The following UGT1A9 variants were observed in gnomAD, a reference collection of about 807,000 sequenced individuals.
UGT1A9 encodes the protein UDP glucuronosyltransferase family 1 member A9.
A neutral mutation model predicts 45.0 loss-of-function variants in UGT1A9; 35 were observed. The observed-to-expected ratio is 0.78, with a 90% confidence interval of 0.59 to 1.03. The LOEUF (loss-of-function observed/expected upper bound fraction) is 1.03, where lower values mean the gene tolerates loss of function less well. Ranked by LOEUF, UGT1A9 falls within the 50% of genes least tolerant of loss-of-function variation. The pLI is 0.00. For missense variants in UGT1A9, 687 were observed against 666.6 expected (o/e 1.03, Z -0.34); for synonymous variants, 278 against 250.6 (o/e 1.11, Z -1.03).
At chr2:233,724,269 C>T (rs1414363673) in intron 1 of UGT1A9, among the ~76,000 whole-genome samples, 11 of 124,848 alleles carry the variant, frequency 8.8e-5, no homozygotes, top group South Asian at 3.1e-4. Context: ...CCGGACGGGG[C>T]GGCTGGCCGG....
At chr2:233,681,060 C>A (rs2074507937) in intron 1 of UGT1A9, among the ~76,000 whole-genome samples, 1 of 151,794 alleles carries the variant, frequency 6.6e-6, no homozygotes, top group Non-Finnish European at 1.5e-5. Context: ...TTGTGGCTCA[C>A]CTGTGTCACA....
chr2:233,718,574 C>T (rs1436667300), intron 1 of UGT1A9, among the ~76,000 whole-genome samples: 1 of 152,174 alleles, frequency 6.6e-6, no homozygotes, highest in Non-Finnish European at 1.5e-5. Context: ...CTTGGATGTT[C>T]CCCAGAGGCA....
chr2:233,718,919 G>A, intron 1 of UGT1A9: 1 of 1,614,102 alleles, frequency 6.2e-7, no homozygotes. Context: ...AGGTGTTGGT[G>A]GTGCCCACTG....
intron 1 of UGT1A9, among the ~76,000 whole-genome samples, chr2:233,704,855 C>A (rs1453613831): frequency 6.6e-6 from 1 of 152,046 alleles, no homozygotes; most frequent in African/African-American, 2.4e-5. Flanking sequence ...AGAATAGGGC[C>A]GGGCACGGTG....
chr2:233,767,978 A>C, intron 3 of UGT1A9, 42 bp downstream of exon 3: 1 of 1,614,204 alleles, frequency 6.2e-7, no homozygotes, highest in Admixed American at 1.7e-5. Context: ...ACCAGGGTCA[A>C]ATTAAGAAAA....
chr2:233,693,483 CTGAG>C lies in UGT1A9; in HGVS notation c.855+20696_855+20699del, dbSNP rs757700333. The C allele has an allele frequency of 1.9e-6, 3 of 1,614,050 alleles. No individual in the cohort carries two copies. In the African/African-American group the frequency reaches 4.0e-5, roughly 22 times the overall value. ...GCCTTACCCTGTGGGGTGATCCTGGCTGAGTATTTGGGCCTACCATCTGTGTACC... is the reference window on the plus strand; with the variant it reads ...GCCTTACCCTGTGGGGTGATCCTGGCTATTTGGGCCTACCATCTGTGTACC... On this transcript the variant is annotated intron_variant, in intron 1 of 4. Transcript: ENST00000354728.
intron 1 of UGT1A9, among the ~76,000 whole-genome samples, chr2:233,759,718 G>C (rs914055324): frequency 2.0e-5 from 3 of 151,782 alleles, no homozygotes; most frequent in African/African-American, 7.3e-5. Context: ...TCGTGTGGTG[G>C]GCTCTGCTGC....
rs1699307451 is a variant in UGT1A9, at chr2:233,767,015, A to G, written c.856-19A>G. The G allele has an allele frequency of 6.2e-7, 1 of 1,613,760 alleles. No homozygotes were observed. Among genetic ancestry groups the G allele is most frequent in the South Asian group, 1.1e-5 (1 of 90,990 alleles). On this transcript the variant is annotated intron_variant, in intron 1 of 4. Transcript: ENST00000354728. The stretch of plus-strand genomic sequence containing the variant: ...GAATATGAGAAAAAATTAACTGAAA[A>G]TTTTTCTTCTGGCTCTAGGAATTTG...
chr2:233,692,171 A>C (rs1352392558), intron 1 of UGT1A9: 1 of 152,296 alleles, frequency 6.6e-6, no homozygotes, highest in East Asian at 1.9e-4. Context: ...GGCAGGGTTC[A>C]GAGAGCTTTC....
At chr2:233,682,524 G>A in intron 1 of UGT1A9, 1 of 1,613,848 alleles carries the variant, frequency 6.2e-7, no homozygotes, top group Non-Finnish European at 8.5e-7. Flanking sequence ...CTTCTCTTAG[G>A]GTTCTCAGAC....
At chr2:233,681,684 G>A (rs1261867119) in intron 1 of UGT1A9, among the ~76,000 whole-genome samples, 4 of 152,004 alleles carry the variant, frequency 2.6e-5, no homozygotes, top group Non-Finnish European at 5.9e-5. Context: ...TCATATTGCA[G>A]CACAGGGCAT....
intron 1 of UGT1A9, among the ~76,000 whole-genome samples, chr2:233,692,680 G>A (rs577931872): frequency 6.6e-6 from 1 of 152,264 alleles, no homozygotes; most frequent in South Asian, 2.1e-4. Context: ...AATTGGCAGG[G>A]GGTCCTCAGG....
rs2074250607 is a variant in UGT1A9, at chr2:233,673,103, C to T, written c.855+314C>T. Among the ~76,000 whole-genome samples, 3 of 152,104 alleles carry T rather than the reference C, an allele frequency of 2.0e-5. No homozygotes were observed. In the South Asian group the frequency reaches 6.2e-4, roughly 32 times the overall value. ...TCCCTTTTTTGTTAATTCTATATGCCCGCCCCAGAGGAAATGGTCTTAGTT... is the reference window on the plus strand; with the variant it reads ...TCCCTTTTTTGTTAATTCTATATGCTCGCCCCAGAGGAAATGGTCTTAGTT... On this transcript the variant is annotated intron_variant, in intron 1 of 4. Coordinates refer to ENST00000354728, the MANE Select transcript of UGT1A9 (RefSeq NM_021027.3).
intron 1 of UGT1A9, among the ~76,000 whole-genome samples, chr2:233,699,067 C>A (rs918094960): frequency 6.6e-6 from 1 of 152,338 alleles, no homozygotes. Flanking sequence ...CCAGCCCTGC[C>A]CAGGGCCTTC....
At chr2:233,736,342 C>T (rs549805148) in intron 1 of UGT1A9, among the ~76,000 whole-genome samples, 123 of 152,282 alleles carry the variant, frequency 8.1e-4, no homozygotes, top group Admixed American at 3.1e-3. Flanking sequence ...AGTTCTTGTG[C>T]CATGGTTTTC....
intron 1 of UGT1A9, chr2:233,754,506 C>A: frequency 2.8e-6 from 1 of 356,440 alleles, no homozygotes; most frequent in South Asian, 2.1e-5. Flanking sequence ...GTCCGCTATT[C>A]CTCCAGATGT....
At chr2:233,735,248 G>T (rs1391437917) in intron 1 of UGT1A9, among the ~76,000 whole-genome samples, 3 of 152,102 alleles carry the variant, frequency 2.0e-5, no homozygotes, top group African/African-American at 7.2e-5. Flanking sequence ...TTGTTGAATT[G>T]CTCCCTTTAC....
At chr2:233,749,246 T>A (rs765293150) in intron 1 of UGT1A9, among the ~76,000 whole-genome samples, 1 of 151,940 alleles carries the variant, frequency 6.6e-6, no homozygotes, top group East Asian at 1.9e-4. Flanking sequence ...TCAAACCACA[T>A]GATTTTTTTA....
At chr2:233,718,969 A>G (rs2076707871) in intron 1 of UGT1A9, 4 of 1,614,166 alleles carry the variant, frequency 2.5e-6, no homozygotes, top group Non-Finnish European at 3.4e-6. Context: ...GCCTTGCGGG[A>G]GCTCCATGCC....
Sources: gnomAD v4.1 joint callset for allele counts (sites outside exome capture counted in the v4.1 genomes callset) on GRCh38, gnomAD v4.1.1 for gene constraint, MANE v1.5 for transcripts, NCBI Gene and HGNC (gene_info 2026-07-23, HGNC 2026-07-21) for gene names.